The following ATAD5 variants were observed in gnomAD, a reference collection of about 807,000 sequenced individuals.
ATAD5 encodes the protein ATPase family AAA domain-containing protein 5.
In ATAD5, 58 loss-of-function variants were observed where a neutral mutation model predicts 176.9. The observed-to-expected ratio is 0.33, with a 90% CI of 0.27 to 0.41. The LOEUF is 0.41. Ranked by LOEUF, ATAD5 falls within the 10% of genes least tolerant of loss-of-function variation. The pLI is 1.00. For synonymous variants in ATAD5, 640 were observed against 712.6 expected (o/e 0.90, Z 1.62); for missense variants, 1,789 against 2,094.1 (o/e 0.85, Z 2.84).
At chr17:30,850,859 ATATATATATATTTTTTTTTTTTTTTTTT>A (rs1906891497) in intron 6 of ATAD5, among the ~76,000 whole-genome samples, 3 of 28,560 alleles carry the variant, frequency 1.1e-4, no homozygotes, top group African/African-American at 3.3e-4. Context: ...ATATATATAT[ATATATATATATTTTTTTTTTTTTTTTTT>A]TTTTTTTTTT....
chr17:30,894,406 AT>A (rs60288051), intron 21 of ATAD5, among the ~76,000 whole-genome samples, 157 bp from the exon 22 acceptor site: 15,947 of 151,994 alleles, frequency 0.1, 946 homozygotes, highest in South Asian at 0.24. Flanking sequence ...AGTTATTGAG[AT>A]TTTTTCAGTA....
intron 17 of ATAD5, among the ~76,000 whole-genome samples, chr17:30,878,725 T>TTTTTTTTG (rs1567696514): frequency 2.0e-4 from 18 of 92,124 alleles, no homozygotes; most frequent in Non-Finnish European, 1.8e-4. Flanking sequence ...GGTGTTTTTT[T>TTTTTTTTG]TTTTTTTTTT....
chr17:30,836,131 T>C, intron 2 of ATAD5, 83 bp downstream of exon 2: 1 of 1,223,878 alleles, frequency 8.2e-7, no homozygotes, highest in East Asian at 2.6e-5. Flanking sequence ...TATTGGAGGG[T>C]ATTTTTTTTT....
At position 30,834,974 on chromosome 17, in the gene ATAD5, A is replaced by G; in HGVS notation, c.893A>G (p.Glu298Gly). Residue 298 changes from glutamate (E) to glycine (G), a missense_variant, in exon 2 of 23, where the codon GAA becomes GGA. Around this residue, in one of 6 missense-constraint regions of ATAD5, gnomAD observed 696 missense variants for 712.5 expected, o/e 0.98. Coordinates refer to ENST00000321990, the MANE Select transcript of ATAD5 (RefSeq NM_024857.5). ...TGTGTTCCTTCTGAAACTGTCGACGAAATAGTCAAAAGTGGTTATATAAGT... is the reference window on the plus strand; with the variant it reads ...TGTGTTCCTTCTGAAACTGTCGACGGAATAGTCAAAAGTGGTTATATAAGT... The part of the protein sequence containing the change: ...SICVPSETVD[E>G]IVKSGYISES... 1 of 1,614,134 alleles carries G rather than the reference A, an allele frequency of 6.2e-7. No individual in the cohort carries two copies. The highest frequency in any genetic ancestry group is 8.5e-7 in the Non-Finnish European group (1 of 1,180,008).
intron 6 of ATAD5, among the ~76,000 whole-genome samples, chr17:30,847,572 C>T (rs544211990): frequency 1.3e-4 from 20 of 151,626 alleles, no homozygotes; most frequent in South Asian, 1.3e-3. Context: ...CCTCGTGATC[C>T]GCCTGCCTCG....
intron 19 of ATAD5, among the ~76,000 whole-genome samples, chr17:30,889,507 T>C (rs1039036118): frequency 6.6e-6 from 1 of 151,980 alleles, no homozygotes; most frequent in African/African-American, 2.4e-5. Context: ...ATAGTATTCT[T>C]ATGTAACTAT....
chr17:30,843,727 T>C (rs1040494454), intron 4 of ATAD5, among the ~76,000 whole-genome samples, 186 bp from the exon 5 acceptor site: 1 of 152,046 alleles, frequency 6.6e-6, no homozygotes, highest in African/African-American at 2.4e-5. Flanking sequence ...ATAAACTTGT[T>C]TGATGTAAGC....
At chr17:30,873,072 G>T (rs1363373489) in intron 14 of ATAD5, among the ~76,000 whole-genome samples, 2 of 152,122 alleles carry the variant, frequency 1.3e-5, no homozygotes, top group East Asian at 3.8e-4. Flanking sequence ...TCTTATTTAT[G>T]ATGGGAGGAT....
At chr17:30,879,390 ATTTT>A in intron 17 of ATAD5, 29 bp from the exon 18 acceptor site, 1 of 1,210,684 alleles carries the variant, frequency 8.3e-7, no homozygotes, top group Non-Finnish European at 1.1e-6. Context: ...GTGTTTAAGA[ATTTT>A]TTTTTTTTGT....
chr17:30,834,576 A>G lies in ATAD5; in HGVS notation c.495A>G (p.Val165=). The G allele has an allele frequency of 6.2e-7, 1 of 1,609,106 alleles. No homozygotes were observed. The highest frequency in any genetic ancestry group is 8.5e-7 in the Non-Finnish European group (1 of 1,178,944). Residue 165 remains valine, a synonymous_variant, in exon 2 of 23, where the codon GTA becomes GTG. Coordinates refer to ENST00000321990, the MANE Select transcript of ATAD5 (RefSeq NM_024857.5). ...STSVLRYKKQ[V]EVLAENIQDT... is the part of the protein sequence containing the mutation. ...CTGTTTTACGTTACAAGAAACAAGT[A>G]GAGGTACTTGCAGAAAACATTCAAG... is the stretch of plus-strand genomic sequence containing the variant.
intron 18 of ATAD5, among the ~76,000 whole-genome samples, chr17:30,883,692 G>A (rs1379814183): frequency 6.6e-6 from 1 of 151,544 alleles, no homozygotes; most frequent in Non-Finnish European, 1.5e-5. Context: ...GACTACAGGC[G>A]CCTGCCACCA....
chr17:30,847,942 G>A (rs1396907001), intron 6 of ATAD5, among the ~76,000 whole-genome samples: 1 of 151,602 alleles, frequency 6.6e-6, no homozygotes, highest in East Asian at 1.9e-4. Context: ...GGATGGTCTC[G>A]ATCTCCTGAC....
Position 30,895,577 on chromosome 17 carries a change from G to C in ATAD5, c.*664G>C, listed in dbSNP as rs1187956914. 1 of 151,806 alleles carries C rather than the reference G, an allele frequency of 6.6e-6. No individual in the cohort carries two copies. The highest frequency in any genetic ancestry group is 1.5e-5 in the Non-Finnish European group (1 of 67,972). 9.4% of individuals were successfully genotyped at this position (151,806 alleles called of 1,614,324 possible). On this transcript the variant is annotated 3_prime_UTR_variant, in exon 23 of 23. Coordinates refer to ENST00000321990, the MANE Select transcript of ATAD5 (RefSeq NM_024857.5). ...GTGCCACCTTGCCCAGCTAATTTTTGTATTTTTAGAAGAGACAGGGTTTTA... is the reference window on the plus strand; with the variant it reads ...GTGCCACCTTGCCCAGCTAATTTTTCTATTTTTAGAAGAGACAGGGTTTTA...
intron 5 of ATAD5, among the ~76,000 whole-genome samples, chr17:30,844,533 G>C (rs1906349242): frequency 6.9e-6 from 1 of 145,326 alleles, no homozygotes; most frequent in African/African-American, 2.6e-5. Flanking sequence ...TAAAGTTATG[G>C]TATAGTGAAG....
At chr17:30,844,765 A>G in intron 5 of ATAD5, 70 bp from the exon 6 acceptor site, 6 of 988,762 alleles carry the variant, frequency 6.1e-6, no homozygotes, top group East Asian at 3.2e-5. Flanking sequence ...AAAAAAAAAA[A>G]AAAAAAAGAA....
rs1909368051 is a variant in ATAD5, at chr17:30,887,142, G to A, written c.4078-50G>A. 6.9e-6 allele frequency: 10 copies of A among 1,443,730 alleles called. No homozygotes were observed. In the East Asian group the frequency reaches 2.4e-4, roughly 35 times the overall value. 89.4% of individuals were successfully genotyped at this position (1,443,730 alleles called of 1,614,324 possible). ...GATACTATTTGTATGTATTATTGCT[G>A]TATCTATTTGAACTCAGCAGTTAAC... On this transcript the variant is annotated intron_variant, in intron 18 of 22. Coordinates refer to ENST00000321990, the MANE Select transcript of ATAD5 (RefSeq NM_024857.5).
At chr17:30,842,891 G>C (rs1417663041) in intron 4 of ATAD5, among the ~76,000 whole-genome samples, 1 of 152,026 alleles carries the variant, frequency 6.6e-6, no homozygotes, top group Non-Finnish European at 1.5e-5. Context: ...TTACAGGCAT[G>C]CACCATCACA....
chr17:30,895,153 T>A lies in ATAD5; in HGVS notation c.*240T>A. On this transcript the variant is annotated 3_prime_UTR_variant, in exon 23 of 23. Coordinates refer to ENST00000321990, the MANE Select transcript of ATAD5 (RefSeq NM_024857.5). ...GATTTAGCTTTGTTGGAGTATTTTTTGTATGTGAGTGAACTGTTTCTGGAA... is the reference window on the plus strand; with the variant it reads ...GATTTAGCTTTGTTGGAGTATTTTTAGTATGTGAGTGAACTGTTTCTGGAA... 3 of 320,684 alleles carry A rather than the reference T, an allele frequency of 9.4e-6. No homozygotes were observed. In the East Asian group the frequency reaches 1.7e-4, roughly 18 times the overall value. The allele number at this position is 320,684 out of a possible 1,614,324, so 19.9% of individuals were successfully genotyped here.
At chr17:30,834,071 A>G (rs1202246463) in intron 1 of ATAD5, 77 bp from the exon 2 acceptor site, 1 of 1,221,684 alleles carries the variant, frequency 8.2e-7, no homozygotes, top group Non-Finnish European at 1.1e-6. Context: ...TATGTAAACT[A>G]TTAGATCCAT....
Sources: allele counts gnomAD v4.1 joint callset (sites outside exome capture counted in the v4.1 genomes callset), GRCh38; gene constraint gnomAD v4.1.1; regional missense constraint gnomAD v4.1.1; transcripts MANE v1.5; gene names NCBI Gene and HGNC (gene_info 2026-07-23, HGNC 2026-07-21).